Variants in PCDH15 observed in about 807,000 individuals in gnomAD.
PCDH15 encodes protocadherin-15.
A neutral mutation model predicts 178.5 loss-of-function variants in PCDH15; 129 were observed. The ratio of observed to expected loss-of-function variants is 0.72; its 90% CI spans 0.63 to 0.84. The LOEUF (loss-of-function observed/expected upper bound fraction) is 0.84, where lower values mean the gene tolerates loss of function less well. PCDH15 is among the 40% of genes least tolerant of loss of function. The pLI is 0.00. For missense variants in PCDH15, 2,230 were observed against 2,099.9 expected (o/e 1.06, Z -1.21); for synonymous variants, 800 against 732.0 (o/e 1.09, Z -1.50).
At chr10:55,001,777 A>C (rs1839801324) in intron 2 of PCDH15, among the ~76,000 whole-genome samples, 1 of 152,176 alleles carries the variant, frequency 6.6e-6, no homozygotes, top group Non-Finnish European at 1.5e-5. Flanking sequence ...CAGTGAGCCC[A>C]AGCAAAACTC....
chr10:54,764,298 G>C (rs1324485277), intron 1 of PCDH15, among the ~76,000 whole-genome samples: 6 of 152,042 alleles, frequency 3.9e-5, no homozygotes, highest in Non-Finnish European at 8.8e-5. Context: ...ATGAGCCTGT[G>C]AGTATATTAA....
chr10:53,980,447 GC>G (rs11350646), intron 21 of PCDH15, among the ~76,000 whole-genome samples: 36,028 of 151,922 alleles, frequency 0.24, 4,619 homozygotes, highest in East Asian at 0.5. Flanking sequence ...ATATTACAGT[GC>G]CATGGATGAC....
rs925389239 is a variant in PCDH15 at position 53,803,778 on chromosome 10, G to A, written c.*2801C>T. 6.6e-6 allele frequency: 1 copy of A among 151,886 alleles called. No homozygotes were observed. The highest frequency in any genetic ancestry group is 1.5e-5 in the Non-Finnish European group (1 of 67,854). The allele number at this position is 151,886 out of a possible 1,614,324, so 9.4% of individuals were successfully genotyped here. A position where few individuals can be genotyped will look rare whatever the true frequency, so the allele number is the denominator to read the frequency against. The stretch of plus-strand genomic sequence containing the variant: ...CAAGACCTTCTAAAATCAACGGGTT[G>A]CAATATTAGTCATTACATCATTCTG... On this transcript the variant is annotated 3_prime_UTR_variant, in exon 38 of 38. Transcript: ENST00000644397.
At chr10:53,968,013 C>T (rs1043430593) in intron 21 of PCDH15, among the ~76,000 whole-genome samples, 1 of 152,056 alleles carries the variant, frequency 6.6e-6, no homozygotes, top group South Asian at 2.1e-4. Flanking sequence ...CTCACTGGGG[C>T]TTGTTGGACA....
chr10:55,435,554 C>G (rs78569443), intron 2 of PCDH15, among the ~76,000 whole-genome samples: 1,731 of 152,126 alleles, frequency 0.011, 35 homozygotes, highest in African/African-American at 0.038. Flanking sequence ...AAACACAGAT[C>G]AGGGAAACTG....
chr10:54,078,960 TA>T (rs996423646), intron 17 of PCDH15, among the ~76,000 whole-genome samples: 1 of 152,060 alleles, frequency 6.6e-6, no homozygotes, highest in Non-Finnish European at 1.5e-5. Flanking sequence ...CCCTGACCCT[TA>T]AAAAAATGAC....
chr10:55,548,210 GCACACA>G (rs200097115), intron 2 of PCDH15, among the ~76,000 whole-genome samples: 3,918 of 121,126 alleles, frequency 0.032, 111 homozygotes, highest in Admixed American at 0.097. Context: ...AATGCCTAAT[GCACACA>G]CACACACACA....
intron 3 of PCDH15, 36 bp downstream of exon 3, chr10:54,527,776 T>C: frequency 6.6e-7 from 1 of 1,526,616 alleles, no homozygotes; most frequent in Non-Finnish European, 9.0e-7. Context: ...AAAACCCTCT[T>C]AGATAAGACA....
chr10:55,277,074 G>A (rs1842614008), intron 1 of PCDH15, among the ~76,000 whole-genome samples: 1 of 151,982 alleles, frequency 6.6e-6, no homozygotes, highest in South Asian at 2.1e-4. Context: ...AAGATATGTT[G>A]TAAAATCTCC....
At chr10:54,528,440 T>C in intron 2 of PCDH15, 2 of 1,528,470 alleles carry the variant, frequency 1.3e-6, no homozygotes, top group Non-Finnish European at 1.8e-6. Context: ...TGGAAGCAGA[T>C]CAGAAAAATG....
intron 13 of PCDH15, among the ~76,000 whole-genome samples, chr10:54,174,947 G>T: frequency 6.6e-6 from 1 of 151,942 alleles, no homozygotes; most frequent in Non-Finnish European, 1.5e-5. Context: ...AGAATTACAT[G>T]TTGGTGTATA....
At chr10:54,059,580 A>T (rs1451995982) in intron 18 of PCDH15, among the ~76,000 whole-genome samples, 1 of 152,194 alleles carries the variant, frequency 6.6e-6, no homozygotes, top group East Asian at 1.9e-4. Flanking sequence ...AGAGCTCACT[A>T]AAACACAGAT....
chr10:54,951,026 T>C (rs921825545), intron 2 of PCDH15, among the ~76,000 whole-genome samples: 20 of 151,958 alleles, frequency 1.3e-4, no homozygotes, highest in African/African-American at 4.3e-4. Flanking sequence ...ATATCTTTCA[T>C]GAGTGTAGTG....
chr10:54,120,212 C>T (rs536236673), intron 15 of PCDH15, among the ~76,000 whole-genome samples: 4 of 152,214 alleles, frequency 2.6e-5, no homozygotes, highest in Non-Finnish European at 2.9e-5. Flanking sequence ...CTGACAAGCA[C>T]GTACTAAGAA....
intron 6 of PCDH15, among the ~76,000 whole-genome samples, chr10:54,330,169 CA>C (rs3069757): frequency 0.057 from 8,592 of 150,182 alleles, 712 homozygotes; most frequent in African/African-American, 0.19. Context: ...GCATTAAATA[CA>C]AAAAAAAAAA....
chr10:54,921,293 C>A (rs1315856619), intron 2 of PCDH15, among the ~76,000 whole-genome samples: 2 of 152,016 alleles, frequency 1.3e-5, no homozygotes, highest in Admixed American at 6.6e-5. Flanking sequence ...TATATACCCT[C>A]ACGAACTTTT....
intron 26 of PCDH15, among the ~76,000 whole-genome samples, chr10:53,875,837 A>G (rs548863564): frequency 6.6e-6 from 1 of 152,308 alleles, no homozygotes; most frequent in Non-Finnish European, 1.5e-5. Flanking sequence ...AGGGGAGACC[A>G]TTAATTTTCT....
chr10:55,430,204 T>C (rs1589019697), intron 2 of PCDH15, among the ~76,000 whole-genome samples: 1 of 152,244 alleles, frequency 6.6e-6, no homozygotes, highest in Non-Finnish European at 1.5e-5. Context: ...TGTGGGAGGA[T>C]GACTTGAGCC....
chr10:54,427,781 A>AT (rs1223493499), intron 3 of PCDH15, among the ~76,000 whole-genome samples: 1 of 152,128 alleles, frequency 6.6e-6, no homozygotes, highest in African/African-American at 2.4e-5. Context: ...ATTTATATCA[A>AT]TTTTTTTGAC....
Sources: gnomAD v4.1 joint callset for allele counts (sites outside exome capture counted in the v4.1 genomes callset) on GRCh38, gnomAD v4.1.1 for gene constraint, MANE v1.5 for transcripts, NCBI Gene and HGNC (gene_info 2026-07-23, HGNC 2026-07-21) for gene names.